GABPB1: variants seen among roughly 807,000 people sequenced by gnomAD.
GABPB1 encodes GA binding protein transcription factor subunit beta 1.
GABPB1 carries 15 observed loss-of-function variants against 45.9 expected under a neutral mutation model. The observed-to-expected ratio is 0.33, with a 90% CI of 0.22 to 0.50. The LOEUF (loss-of-function observed/expected upper bound fraction) is 0.50. Ranked by LOEUF, GABPB1 falls within the 20% of genes least tolerant of loss-of-function variation. The pLI, the probability that GABPB1 is intolerant of heterozygous loss-of-function variation, is 0.98. For missense variants in GABPB1, 252 were observed against 457.5 expected, an observed-to-expected ratio of 0.55 and a Z score of 4.10; for synonymous variants, 143 against 154.4, an observed-to-expected ratio of 0.93 and a Z score of 0.55.
intron 2 of GABPB1, among the ~76,000 whole-genome samples, chr15:50,305,578 T>C (rs888711608): frequency 6.6e-6 from 1 of 152,180 alleles, no homozygotes. Flanking sequence ...TAAACAATCC[T>C]TTCTTTCTCC....
chr15:50,328,406 C>A (rs956099384), intron 1 of GABPB1, among the ~76,000 whole-genome samples: 5 of 152,252 alleles, frequency 3.3e-5, no homozygotes, highest in African/African-American at 1.2e-4. Context: ...ATCTGTACCT[C>A]ATACTGAGTT....
intron 1 of GABPB1, chr15:50,353,099 T>C (rs1033061115): frequency 3.3e-5 from 5 of 152,254 alleles, no homozygotes; most frequent in Admixed American, 6.5e-5. Flanking sequence ...ATATGTGGAA[T>C]TCACGTGTTA....
intron 2 of GABPB1, 70 bp from the exon 3 acceptor site, chr15:50,304,203 C>T: frequency 7.6e-7 from 1 of 1,308,826 alleles, no homozygotes. Flanking sequence ...ATATAGTAAA[C>T]AGATTTTCTT....
intron 2 of GABPB1, among the ~76,000 whole-genome samples, chr15:50,307,920 G>A (rs887144100): frequency 6.6e-6 from 1 of 151,976 alleles, no homozygotes; most frequent in African/African-American, 2.4e-5. Flanking sequence ...ATGATCAGAT[G>A]TTAGACTTTC....
intron 6 of GABPB1, among the ~76,000 whole-genome samples, chr15:50,292,889 A>G (rs1456110599): frequency 6.6e-6 from 1 of 151,312 alleles, no homozygotes; most frequent in African/African-American, 2.4e-5. Context: ...CATGTGTCAG[A>G]GAACATATGG....
Position 50,314,170 on chromosome 15 carries a change from GATTTATTTATTTATTT to G in GABPB1, c.1-4388_1-4373del, listed in dbSNP as rs372088129. ...CCATGAGCAATACAGCCATACGGTA[GATTTATTTATTTATTT>G]ATTTATTTATTTTTTGAGACGGAGT... On this transcript the variant is annotated intron_variant, in intron 1 of 8. Coordinates refer to ENST00000380877, the MANE Select transcript of GABPB1 (RefSeq NM_016654.5). Among the ~76,000 whole-genome samples the G allele has an allele frequency of 9.2e-4, 138 of 149,688 alleles. 1 individual carries two copies. The East Asian group carries it at 0.026, about 28-fold the overall frequency.
intron 8 of GABPB1, among the ~76,000 whole-genome samples, chr15:50,282,900 C>T (rs1304814115): frequency 1.3e-5 from 2 of 152,124 alleles, no homozygotes; most frequent in African/African-American, 4.8e-5. Context: ...ACCAAAAATA[C>T]AAGAATTACC....
chr15:50,287,145 T>C (rs1239128121), intron 7 of GABPB1, among the ~76,000 whole-genome samples: 1 of 152,208 alleles, frequency 6.6e-6, no homozygotes, highest in Non-Finnish European at 1.5e-5. Context: ...ATCTGTTTAT[T>C]AGACTGTCTG....
chr15:50,276,946 A>C lies in GABPB1; in HGVS notation c.*1686T>G, dbSNP rs1386964209. ...TTTTTGGATCACTTAAAATATGTCA[A>C]ATTTAGTGGAAAATTGAAAAAGATC... On this transcript the variant is annotated 3_prime_UTR_variant, in exon 9 of 9. Coordinates refer to ENST00000380877, the MANE Select transcript of GABPB1 (RefSeq NM_016654.5). The C allele has an allele frequency of 6.6e-6, 1 of 152,254 alleles. No individual in the cohort carries two copies. The allele number at this position is 152,254 out of a possible 1,614,324, so 9.4% of individuals were successfully genotyped here.
At chr15:50,320,616 T>C (rs1054218091) in intron 1 of GABPB1, among the ~76,000 whole-genome samples, 1 of 152,200 alleles carries the variant, frequency 6.6e-6, no homozygotes, top group Non-Finnish European at 1.5e-5. Flanking sequence ...ATATGCTACC[T>C]TACATGGCAA....
chr15:50,292,862 G>GTGTA (rs2046395985), intron 6 of GABPB1, among the ~76,000 whole-genome samples: 1 of 151,834 alleles, frequency 6.6e-6, no homozygotes, highest in African/African-American at 2.4e-5. Flanking sequence ...GTGTGTGTGT[G>GTGTA]TGTGTGTACA....
At chr15:50,286,028 G>A in intron 8 of GABPB1, 40 bp downstream of exon 8, 3 of 1,590,928 alleles carry the variant, frequency 1.9e-6, no homozygotes, top group Non-Finnish European at 2.6e-6. Context: ...ATTTATTTTG[G>A]ATGACTGCGG....
At chr15:50,281,367 A>ACGCC (rs2045966459) in intron 8 of GABPB1, among the ~76,000 whole-genome samples, 1 of 139,614 alleles carries the variant, frequency 7.2e-6, no homozygotes, top group African/African-American at 2.4e-5. Flanking sequence ...GCACGCCACC[A>ACGCC]TGCTCAGCTA....
chr15:50,280,166 A>C (rs1432053237), intron 8 of GABPB1, among the ~76,000 whole-genome samples: 1 of 152,154 alleles, frequency 6.6e-6, no homozygotes, highest in African/African-American at 2.4e-5. Flanking sequence ...CAAGTAGAAG[A>C]AAGGAATGTC....
intron 2 of GABPB1, among the ~76,000 whole-genome samples, chr15:50,308,988 G>GAT (rs930848315): frequency 3.9e-5 from 6 of 151,942 alleles, no homozygotes; most frequent in Admixed American, 3.3e-4. Context: ...GGATATCGTT[G>GAT]ATATATATTT....
chr15:50,299,072 GAATA>G (rs2046630901), intron 6 of GABPB1, among the ~76,000 whole-genome samples: 1 of 152,066 alleles, frequency 6.6e-6, no homozygotes, highest in Admixed American at 6.6e-5. Flanking sequence ...TTCTGGTGAG[GAATA>G]AATGAGATTA....
At chr15:50,288,896 G>A (rs1243256536) in intron 7 of GABPB1, among the ~76,000 whole-genome samples, 1 of 151,572 alleles carries the variant, frequency 6.6e-6, no homozygotes, top group African/African-American at 2.4e-5. Flanking sequence ...CATGATAATG[G>A]CTCACTGCAG....
intron 1 of GABPB1, among the ~76,000 whole-genome samples, chr15:50,316,645 T>C (rs563645029): frequency 2.6e-5 from 4 of 152,252 alleles, no homozygotes; most frequent in African/African-American, 9.6e-5. Flanking sequence ...CTCTTTGACC[T>C]AGTAATTCTA....
At chr15:50,310,526 C>G (rs1386541072) in intron 1 of GABPB1, among the ~76,000 whole-genome samples, 1 of 152,184 alleles carries the variant, frequency 6.6e-6, no homozygotes, top group Non-Finnish European at 1.5e-5. Flanking sequence ...CTAAACTTAG[C>G]ATAAATTTTT....
Sources: allele counts gnomAD v4.1 joint callset (sites outside exome capture counted in the v4.1 genomes callset), GRCh38; gene constraint gnomAD v4.1.1; transcripts MANE v1.5; gene names NCBI Gene and HGNC (gene_info 2026-07-23, HGNC 2026-07-21).